SYT16: variants seen among roughly 807,000 people sequenced by gnomAD.
The protein encoded by SYT16 is synaptotagmin 16.
A neutral mutation model predicts 61.4 loss-of-function variants in SYT16; 42 were observed. The observed-to-expected ratio is 0.68, with a 90% CI of 0.53 to 0.89. SYT16 has a LOEUF of 0.89. SYT16 is among the 40% of genes least tolerant of loss of function. SYT16 has a pLI of 0.00. For missense variants in SYT16, 804 were observed against 807.3 expected, an observed-to-expected ratio of 1.00 and a Z score of 0.05; for synonymous variants, 314 against 302.3, an observed-to-expected ratio of 1.04 and a Z score of -0.40.
intron 3 of SYT16, among the ~76,000 whole-genome samples, chr14:62,000,099 A>G (rs12895369): frequency 0.16 from 3,010 of 18,840 alleles, 192 homozygotes; most frequent in Middle Eastern, 0.22. Flanking sequence ...TTGTCTCTCG[A>G]TTTTTTTTTT....
At chr14:61,821,592 T>C (rs1288319933) in intron 1 of SYT16, among the ~76,000 whole-genome samples, 2 of 152,224 alleles carry the variant, frequency 1.3e-5, no homozygotes, top group Non-Finnish European at 2.9e-5. Flanking sequence ...AGCTAGAGGC[T>C]ACCCTCAATT....
chr14:61,996,249 G>A lies in SYT16; in HGVS notation c.230G>A (p.Ser77Asn), dbSNP rs2085677668. ...GATGAAGAACAAGACAATGATTGGA[G>A]TCAAGAGGATGCAAATTCCTTGTTT... is the stretch of plus-strand genomic sequence containing the variant. Reference protein sequence around the residue: ...FEDEEQDNDWSQEDANSLFLE... With the variant: ...FEDEEQDNDWNQEDANSLFLE... The change falls in exon 3 of 8, where the codon AGT (serine) becomes AAT (asparagine). Residue 77 changes from serine to asparagine, a missense_variant. Coordinates refer to ENST00000683842, the MANE Select transcript of SYT16 (RefSeq NM_001367656.1). The A allele has an allele frequency of 1.2e-6, 2 of 1,613,640 alleles. No homozygotes were observed. Among genetic ancestry groups the A allele is most frequent in the African/African-American group, 1.3e-5 (1 of 75,022 alleles).
At chr14:61,876,073 T>C (rs1236682528) in intron 1 of SYT16, among the ~76,000 whole-genome samples, 2 of 152,350 alleles carry the variant, frequency 1.3e-5, no homozygotes, top group Non-Finnish European at 2.9e-5. Context: ...CGTGTGTGTG[T>C]GCACATGCAC....
chr14:61,994,480 G>A (rs2052682245), intron 2 of SYT16, among the ~76,000 whole-genome samples: 1 of 152,104 alleles, frequency 6.6e-6, no homozygotes, highest in Non-Finnish European at 1.5e-5. Flanking sequence ...ACAGATACAA[G>A]CCTGGAAAGA....
chr14:61,863,324 G>C (rs528862581), intron 1 of SYT16, among the ~76,000 whole-genome samples: 1 of 152,252 alleles, frequency 6.6e-6, no homozygotes, highest in Non-Finnish European at 1.5e-5. Context: ...TCTTATACAT[G>C]GTATCTCATT....
At chr14:61,891,539 C>T (rs1252757652) in intron 1 of SYT16, among the ~76,000 whole-genome samples, 1 of 152,108 alleles carries the variant, frequency 6.6e-6, no homozygotes, top group Non-Finnish European at 1.5e-5. Context: ...ACTGAGAGGA[C>T]AAGTAGGGCT....
In SYT16 at chr14:61,891,772, G is replaced by A. The variant is rs181327306; in HGVS notation, c.-324-78360G>A. Among the ~76,000 whole-genome samples the A allele has an allele frequency of 2.0e-5, 3 of 152,292 alleles. No individual in the cohort carries two copies. The East Asian group carries it at 5.8e-4, about 29-fold the overall frequency. On this transcript the variant is annotated intron_variant, in intron 1 of 7. Transcript: ENST00000683842. ...ATAAGTCAGCTGGTAAAGTCTAAAA[G>A]GATAAGGTAGTAGAGATGCTCTGAA... is the stretch of plus-strand genomic sequence containing the variant.
Position 61,812,717 on chromosome 14 carries a change from T to C in SYT16, c.-418T>C, listed in dbSNP as rs988119893. 2.7e-5 allele frequency: 4 copies of C among 148,240 alleles called. No homozygotes were observed. The highest frequency in any genetic ancestry group is 6.7e-5 in the Admixed American group (1 of 14,918). The allele number at this position is 148,240 out of a possible 1,614,324, so 9.2% of individuals were successfully genotyped here. Reference sequence around the variant, plus strand: ...GCGCGGCCCCCGAGCGCACCGGGCCTGCCGAGGAGCGCGCGCCCGGCCGGG... The same window carrying C: ...GCGCGGCCCCCGAGCGCACCGGGCCCGCCGAGGAGCGCGCGCCCGGCCGGG... On this transcript the variant is annotated 5_prime_UTR_variant, in exon 1 of 8. Coordinates refer to ENST00000683842, the MANE Select transcript of SYT16 (RefSeq NM_001367656.1).
intron 3 of SYT16, among the ~76,000 whole-genome samples, chr14:62,018,888 C>T (rs1367599797): frequency 6.6e-6 from 1 of 152,214 alleles, no homozygotes; most frequent in Non-Finnish European, 1.5e-5. Context: ...TCCATGAGGG[C>T]AGGCGTTTCC....
At chr14:61,974,711 A>C (rs951154268) in intron 2 of SYT16, among the ~76,000 whole-genome samples, 10 of 152,238 alleles carry the variant, frequency 6.6e-5, no homozygotes, top group Admixed American at 1.3e-4. Flanking sequence ...TTTGAGTAGC[A>C]AGTTTAAGTT....
In SYT16 at chr14:62,055,162, G is replaced by C. The variant is rs2055492755; in HGVS notation, c.524-14441G>C. ...GCATGTGCAGAAATTTAATTATCAG[G>C]TCACCTCAGTTCTCAGCAGAGTAAA... On this transcript the variant is annotated intron_variant, in intron 3 of 7. Coordinates refer to ENST00000683842, the MANE Select transcript of SYT16 (RefSeq NM_001367656.1). Among the ~76,000 whole-genome samples the C allele has an allele frequency of 2.0e-5, 3 of 152,176 alleles. No individual in the cohort carries two copies. The South Asian group carries it at 6.2e-4, about 32-fold the overall frequency.
intron 1 of SYT16, among the ~76,000 whole-genome samples, chr14:61,957,018 C>T (rs898953701): frequency 6.6e-6 from 1 of 151,608 alleles, no homozygotes; most frequent in Non-Finnish European, 1.5e-5. Flanking sequence ...ATGTATAAGT[C>T]TTTCACCTCC....
At chr14:61,836,149 T>C (rs2046121084) in intron 1 of SYT16, among the ~76,000 whole-genome samples, 1 of 152,230 alleles carries the variant, frequency 6.6e-6, no homozygotes, top group South Asian at 2.1e-4. Context: ...GCAGCTTATC[T>C]TTGTATAACC....
chr14:62,072,309 C>A (rs1770165719), intron 4 of SYT16, among the ~76,000 whole-genome samples: 1 of 152,104 alleles, frequency 6.6e-6, no homozygotes, highest in Admixed American at 6.5e-5. Context: ...AATTGGAGAA[C>A]TAGAATCAGC....
intron 3 of SYT16, among the ~76,000 whole-genome samples, chr14:62,002,355 T>C (rs537051966): frequency 1.1e-4 from 16 of 152,248 alleles, no homozygotes; most frequent in South Asian, 6.2e-4. Flanking sequence ...AGGGGCTTGT[T>C]TGTTACACAG....
intron 3 of SYT16, among the ~76,000 whole-genome samples, chr14:62,053,686 C>T (rs528063539): frequency 5.3e-5 from 8 of 152,238 alleles, no homozygotes; most frequent in Non-Finnish European, 1.2e-4. Flanking sequence ...ATTAAGACTG[C>T]AAATTCCTCA....
At chr14:62,084,133 C>T in intron 6 of SYT16, 63 bp from the exon 7 acceptor site, 1 of 1,539,030 alleles carries the variant, frequency 6.5e-7, no homozygotes, top group Non-Finnish European at 8.8e-7. Context: ...ATAATATCGG[C>T]TTTCTCTAAA....
At chr14:62,080,665 C>A (rs1400102390) in intron 5 of SYT16, among the ~76,000 whole-genome samples, 169 bp from the exon 6 acceptor site, 1 of 152,186 alleles carries the variant, frequency 6.6e-6, no homozygotes, top group Non-Finnish European at 1.5e-5. Flanking sequence ...TCAAAGAATT[C>A]ACAGTTTAAT....
At chr14:61,861,906 G>T (rs73256480) in intron 1 of SYT16, among the ~76,000 whole-genome samples, 20,840 of 152,136 alleles carry the variant, frequency 0.14, 1,587 homozygotes, top group African/African-American at 0.2. Context: ...CTACCTTAAT[G>T]AAATATACTT....
Sources: gnomAD v4.1 joint callset for allele counts (sites outside exome capture counted in the v4.1 genomes callset) on GRCh38, gnomAD v4.1.1 for gene constraint, MANE v1.5 for transcripts, NCBI Gene and HGNC (gene_info 2026-07-23, HGNC 2026-07-21) for gene names.